The following STK3 variants were observed in gnomAD, a reference collection of about 807,000 sequenced individuals.
STK3 encodes serine/threonine kinase 3.
Under a neutral mutation model 58.0 loss-of-function variants are expected in STK3, and 41 were observed. That is an observed-to-expected ratio of 0.71 (90% CI 0.55 to 0.92). STK3 has a LOEUF of 0.92. Among genes scored for constraint, STK3 ranks in the 40% least tolerant of loss-of-function variants. STK3 has a pLI of 0.00. For missense variants in STK3, 479 were observed against 602.7 expected, an observed-to-expected ratio of 0.79 and a Z score of 2.15; for synonymous variants, 170 against 191.0, an observed-to-expected ratio of 0.89 and a Z score of 0.91.
At chr8:98,757,006 T>C (rs1830325319) in intron 3 of STK3, among the ~76,000 whole-genome samples, 1 of 152,052 alleles carries the variant, frequency 6.6e-6, no homozygotes. Flanking sequence ...ACAAACATTC[T>C]TGTCCACTTC....
chr8:98,917,868 C>T lies in STK3; in HGVS notation c.-79+24510G>A, dbSNP rs191496105. Among the ~76,000 whole-genome samples, 17 of 152,236 alleles carry T rather than the reference C, an allele frequency of 1.1e-4. 1 individual carries two copies. The East Asian group carries it at 2.5e-3, about 22-fold the overall frequency. On this transcript the variant is annotated intron_variant, in intron 1 of 1. Transcript: ENST00000519420. ...TCATGTCTTCTGGGTGCCAAGACTTCGAAGCCATCTCTGGGGAGTGTGGGA... is the reference window on the plus strand; with the variant it reads ...TCATGTCTTCTGGGTGCCAAGACTTTGAAGCCATCTCTGGGGAGTGTGGGA...
intron 1 of STK3, among the ~76,000 whole-genome samples, chr8:98,795,817 A>G (rs7828912): frequency 0.28 from 37,893 of 133,138 alleles, 5,779 homozygotes; most frequent in South Asian, 0.48. Flanking sequence ...AATACAATAC[A>G]ATACAATACA....
chr8:98,623,518 T>C (rs1328303879), intron 6 of STK3, among the ~76,000 whole-genome samples: 4 of 152,174 alleles, frequency 2.6e-5, no homozygotes, highest in African/African-American at 9.7e-5. Flanking sequence ...GCACAGTAGC[T>C]TATGCCTGTA....
At chr8:98,374,407 G>A (rs113059331) in intron 2 of STK3, among the ~76,000 whole-genome samples, 1 of 152,340 alleles carries the variant, frequency 6.6e-6, no homozygotes, top group East Asian at 1.9e-4. Flanking sequence ...TAGAGTGCCC[G>A]AGTTCCCTTC....
chr8:98,695,194 G>T (rs1462712839), intron 6 of STK3, among the ~76,000 whole-genome samples: 7 of 151,850 alleles, frequency 4.6e-5, no homozygotes, highest in African/African-American at 1.7e-4. Flanking sequence ...TTTTGATGGG[G>T]TTGTTTTTTT....
intron 4 of STK3, among the ~76,000 whole-genome samples, chr8:98,724,625 G>A (rs1236153175): frequency 1.3e-5 from 2 of 152,036 alleles, no homozygotes; most frequent in Non-Finnish European, 2.9e-5. Context: ...ACTAAAAGGA[G>A]GAAAACAGAA....
intron 4 of STK3, among the ~76,000 whole-genome samples, chr8:98,740,992 CA>C (rs1319922462): frequency 6.6e-5 from 10 of 152,088 alleles, no homozygotes; most frequent in Non-Finnish European, 1.3e-4. Context: ...TCAAAAGAGA[CA>C]AAGAAGGCCA....
chr8:98,767,347 TGC>T lies in STK3; in HGVS notation c.130_131del (p.Ala44AsnfsTer12). The T allele has an allele frequency of 6.2e-7, 1 of 1,607,808 alleles. No individual in the cohort carries two copies. Among genetic ancestry groups the T allele is most frequent in the Non-Finnish European group, 8.5e-7 (1 of 1,178,592 alleles). On this transcript the variant is annotated frameshift_variant, in exon 3 of 11. Transcript: ENST00000419617. LOFTEE classifies it high-confidence loss of function. ...CAACTTGACCGGATTCCTTGTGTAT[TGC>T]TTTAAATACACTTCCATAAGACCTA... Reference protein sequence around the residue: ...GEGSYGSVFKAIHKESGQVVA... With the variant: ...GEGSYGSVFKXIHKESGQVVA...
intron 6 of STK3, among the ~76,000 whole-genome samples, chr8:98,702,393 C>G (rs1472319259): frequency 2.6e-5 from 4 of 152,182 alleles, no homozygotes; most frequent in Non-Finnish European, 4.4e-5. Flanking sequence ...TTAGTGCCAT[C>G]TTTAAGTTCT....
chr8:98,711,248 A>G (rs1378207099), intron 4 of STK3, among the ~76,000 whole-genome samples: 2 of 152,226 alleles, frequency 1.3e-5, no homozygotes, highest in African/African-American at 4.8e-5. Flanking sequence ...CCAAAGGAAC[A>G]CAGCTCCTCA....
chr8:98,597,657 A>T (rs1815945237), intron 6 of STK3: 2 of 985,274 alleles, frequency 2.0e-6, no homozygotes, highest in Non-Finnish European at 2.4e-6. Flanking sequence ...ACTAATTTAA[A>T]CTAGGACATA....
At chr8:98,739,055 G>A (rs989165490) in intron 4 of STK3, among the ~76,000 whole-genome samples, 11 of 152,252 alleles carry the variant, frequency 7.2e-5, no homozygotes, top group Non-Finnish European at 1.0e-4. Context: ...GCCCGCCATT[G>A]CCCAAGCTTG....
intron 1 of STK3, among the ~76,000 whole-genome samples, chr8:98,775,986 A>C (rs2131496161): frequency 6.6e-6 from 1 of 152,344 alleles, no homozygotes; most frequent in African/African-American, 2.4e-5. Flanking sequence ...TTTTTCAAAG[A>C]TTTGTGGTGA....
At chr8:98,535,609 T>C (rs760787477) in intron 9 of STK3, among the ~76,000 whole-genome samples, 7 of 152,186 alleles carry the variant, frequency 4.6e-5, no homozygotes, top group Non-Finnish European at 7.3e-5. Flanking sequence ...TCTCTTGATA[T>C]ACCACTGACT....
chr8:98,701,603 C>T (rs979725339), intron 6 of STK3, among the ~76,000 whole-genome samples: 8 of 149,742 alleles, frequency 5.3e-5, no homozygotes, highest in African/African-American at 1.8e-4. Context: ...GCCCAGACAA[C>T]AGAGCGAGAC....
At chr8:98,527,793 A>G (rs1031740693) in intron 9 of STK3, among the ~76,000 whole-genome samples, 8 of 152,184 alleles carry the variant, frequency 5.3e-5, no homozygotes, top group African/African-American at 1.7e-4. Flanking sequence ...ATGTCTCCCA[A>G]CACTACTTCT....
chr8:98,789,859 T>G (rs973946901), intron 1 of STK3, among the ~76,000 whole-genome samples: 4 of 152,036 alleles, frequency 2.6e-5, no homozygotes, highest in Admixed American at 6.6e-5. Context: ...AAACCCTGTC[T>G]CTACTTAAAA....
At chr8:98,665,522 G>A (rs1287704685) in intron 6 of STK3, among the ~76,000 whole-genome samples, 3 of 151,784 alleles carry the variant, frequency 2.0e-5, no homozygotes, top group East Asian at 1.9e-4. Context: ...ATCAGCCTCC[G>A]GAGCAGCTGG....
At chr8:98,885,612 G>C (rs1350600891) in intron 1 of STK3, among the ~76,000 whole-genome samples, 3 of 152,142 alleles carry the variant, frequency 2.0e-5, no homozygotes, top group Non-Finnish European at 4.4e-5. Context: ...CTAATTTTTT[G>C]TATTTTTAGT....
Sources: allele counts gnomAD v4.1 joint callset (sites outside exome capture counted in the v4.1 genomes callset), GRCh38; gene constraint gnomAD v4.1.1; transcripts MANE v1.5; gene names NCBI Gene and HGNC (gene_info 2026-07-23, HGNC 2026-07-21).